The following FSTL5 variants were observed in gnomAD, a reference collection of about 807,000 sequenced individuals.
FSTL5 encodes follistatin like 5.
FSTL5 carries 62 observed loss-of-function variants against 89.1 expected under a neutral mutation model. The observed-to-expected ratio is 0.70, with a 90% CI of 0.57 to 0.86. FSTL5 has a LOEUF of 0.86. FSTL5 is among the 40% of genes least tolerant of loss of function. The pLI is 0.00. For missense variants in FSTL5, 1,057 were observed against 1,001.6 expected (o/e 1.06, Z -0.75); for synonymous variants, 383 against 346.2 (o/e 1.11, Z -1.18).
intron 4 of FSTL5, among the ~76,000 whole-genome samples, chr4:161,885,467 G>C (rs1013823388): frequency 5.9e-5 from 9 of 152,026 alleles, no homozygotes; most frequent in Non-Finnish European, 1.3e-4. Flanking sequence ...TTTATTTTGA[G>C]ACAGGGCTGA....
At chr4:162,074,822 A>G (rs2111318668) in intron 2 of FSTL5, among the ~76,000 whole-genome samples, 1 of 151,846 alleles carries the variant, frequency 6.6e-6, no homozygotes, top group African/African-American at 2.4e-5. Context: ...ACAATTGAAA[A>G]TGTATTTAAT....
At chr4:161,740,774 G>C (rs1432767797) in intron 6 of FSTL5, among the ~76,000 whole-genome samples, 1 of 152,160 alleles carries the variant, frequency 6.6e-6, no homozygotes, top group Non-Finnish European at 1.5e-5. Flanking sequence ...CTCAAATAGT[G>C]TATGTCTTAG....
At chr4:161,597,772 G>T (rs1418585560) in intron 7 of FSTL5, among the ~76,000 whole-genome samples, 2 of 151,968 alleles carry the variant, frequency 1.3e-5, no homozygotes, top group Non-Finnish European at 2.9e-5. Flanking sequence ...GTGTTTATAG[G>T]TTATGAAAAG....
chr4:161,482,363 T>G (rs984412663), intron 12 of FSTL5, among the ~76,000 whole-genome samples: 6 of 151,980 alleles, frequency 3.9e-5, no homozygotes, highest in African/African-American at 1.4e-4. Flanking sequence ...ATAATAATAA[T>G]GTAATGATAA....
chr4:162,009,521 C>A (rs1359943188), intron 3 of FSTL5, among the ~76,000 whole-genome samples: 1 of 151,896 alleles, frequency 6.6e-6, no homozygotes, highest in African/African-American at 2.4e-5. Context: ...ATATGCCACC[C>A]CAAAAAGCAC....
At chr4:161,569,009 C>T (rs908309754) in intron 8 of FSTL5, among the ~76,000 whole-genome samples, 2 of 152,088 alleles carry the variant, frequency 1.3e-5, no homozygotes, top group East Asian at 1.9e-4. Context: ...TATGTATTTT[C>T]TTATCATGGC....
At chr4:161,396,580 G>C (rs1731007341) in intron 15 of FSTL5, among the ~76,000 whole-genome samples, 1 of 151,644 alleles carries the variant, frequency 6.6e-6, no homozygotes, top group African/African-American at 2.4e-5. Context: ...CTTGAACCTG[G>C]GAGGCAGAGG....
intron 4 of FSTL5, among the ~76,000 whole-genome samples, chr4:161,849,524 G>A (rs1284530611): frequency 1.3e-5 from 1 of 76,044 alleles, no homozygotes; most frequent in African/African-American, 4.6e-5. Flanking sequence ...CATTGCCCTC[G>A]ACCTACACAC....
Position 161,863,657 on chromosome 4 carries a change from T to G in FSTL5, c.409+56747A>C, listed in dbSNP as rs142694051. Among the ~76,000 whole-genome samples, 189 of 152,318 alleles carry G rather than the reference T, an allele frequency of 1.2e-3. 1 individual carries two copies. Among genetic ancestry groups the G allele is most frequent in the African/African-American group, 3.6e-3 (150 of 41,584 alleles). Reference sequence around the variant, plus strand: ...GTGATTTTCCTCACCCTCCCTCACTTGTATTGGTTCCACACTTAATAGTTA... The same window carrying G: ...GTGATTTTCCTCACCCTCCCTCACTGGTATTGGTTCCACACTTAATAGTTA... On this transcript the variant is annotated intron_variant, in intron 4 of 15. Coordinates refer to ENST00000306100, the MANE Select transcript of FSTL5 (RefSeq NM_020116.5).
chr4:162,043,730 A>C (rs1412140888), intron 2 of FSTL5, among the ~76,000 whole-genome samples: 1 of 152,198 alleles, frequency 6.6e-6, no homozygotes, highest in African/African-American at 2.4e-5. Flanking sequence ...TGCTTTATCA[A>C]CTACGTTTAT....
At chr4:161,534,394 C>A (rs1731522924) in intron 10 of FSTL5, among the ~76,000 whole-genome samples, 1 of 152,044 alleles carries the variant, frequency 6.6e-6, no homozygotes, top group African/African-American at 2.4e-5. Context: ...GATACAAAAC[C>A]AATATACAAA....
chr4:161,819,721 A>G (rs1730434096), intron 4 of FSTL5, among the ~76,000 whole-genome samples: 1 of 152,126 alleles, frequency 6.6e-6, no homozygotes. Flanking sequence ...TTATTTAAAA[A>G]TAATCTCCTT....
intron 10 of FSTL5, among the ~76,000 whole-genome samples, chr4:161,513,555 A>G (rs1044523712): frequency 1.3e-5 from 2 of 152,212 alleles, no homozygotes; most frequent in Non-Finnish European, 2.9e-5. Flanking sequence ...TCATTGCAGC[A>G]CTATTCACAA....
At chr4:161,449,537 C>T (rs930454527) in intron 15 of FSTL5, among the ~76,000 whole-genome samples, 1 of 152,050 alleles carries the variant, frequency 6.6e-6, no homozygotes, top group African/African-American at 2.4e-5. Context: ...CAGGCCTAGC[C>T]CTGGAGTGGC....
chr4:161,834,488 A>G (rs1439109174), intron 4 of FSTL5, among the ~76,000 whole-genome samples: 1 of 152,188 alleles, frequency 6.6e-6, no homozygotes, highest in Admixed American at 6.5e-5. Context: ...AGGGTATTCA[A>G]TCAGGAAAAG....
intron 6 of FSTL5, among the ~76,000 whole-genome samples, chr4:161,700,314 A>G (rs1219555785): frequency 7.2e-5 from 11 of 152,136 alleles, no homozygotes; most frequent in Admixed American, 7.2e-4. Flanking sequence ...AGGTAGTCCA[A>G]TTCCTGAGTT....
intron 4 of FSTL5, among the ~76,000 whole-genome samples, chr4:161,815,050 A>G (rs114003146): frequency 0.017 from 2,627 of 152,212 alleles, 94 homozygotes; most frequent in African/African-American, 0.059. Flanking sequence ...TTAAAATAGC[A>G]TCTTAAAAAT....
chr4:161,562,821 A>G (rs1355264167), intron 8 of FSTL5, among the ~76,000 whole-genome samples: 1 of 151,986 alleles, frequency 6.6e-6, no homozygotes, highest in Non-Finnish European at 1.5e-5. Flanking sequence ...AAATTCCATA[A>G]CTACTACACA....
chr4:161,950,747 C>T (rs185354479), intron 3 of FSTL5, among the ~76,000 whole-genome samples: 168 of 152,250 alleles, frequency 1.1e-3, no homozygotes, highest in Admixed American at 6.5e-4. Flanking sequence ...CTCTCTTTAT[C>T]CTCTTCTACT....
Sources: gnomAD v4.1 joint callset for allele counts (sites outside exome capture counted in the v4.1 genomes callset) on GRCh38, gnomAD v4.1.1 for gene constraint, MANE v1.5 for transcripts, NCBI Gene and HGNC (gene_info 2026-07-23, HGNC 2026-07-21) for gene names.